ZNF174: variants seen among roughly 807,000 people sequenced by gnomAD.
ZNF174 encodes the protein zinc finger protein 174.
ZNF174 carries 30 observed loss-of-function variants against 38.7 expected under a neutral mutation model. The observed-to-expected ratio is 0.78, with a 90% CI of 0.58 to 1.05. The LOEUF (loss-of-function observed/expected upper bound fraction) is 1.05. Ranked by LOEUF, ZNF174 falls within the 50% of genes least tolerant of loss-of-function variation. ZNF174 has a pLI of 0.00. For missense variants in ZNF174, 499 were observed against 495.6 expected, an observed-to-expected ratio of 1.01 and a Z score of -0.06; for synonymous variants, 201 against 181.7, an observed-to-expected ratio of 1.11 and a Z score of -0.86.
At chr16:3,407,254 T>C (rs2034068543) in intron 2 of ZNF174, among the ~76,000 whole-genome samples, 2 of 152,136 alleles carry the variant, frequency 1.3e-5, no homozygotes, top group Non-Finnish European at 2.9e-5. Flanking sequence ...CATAACCTAA[T>C]CACCTCCCAG....
chr16:3,406,878 A>G (rs1019629275), intron 2 of ZNF174, among the ~76,000 whole-genome samples: 2 of 152,184 alleles, frequency 1.3e-5, no homozygotes, highest in African/African-American at 2.4e-5. Context: ...GGTTTCTTCA[A>G]GGAGACATAG....
intron 2 of ZNF174, 119 bp from the exon 3 acceptor site, chr16:3,408,202 C>G (rs2034080350): frequency 1.1e-6 from 1 of 948,472 alleles, no homozygotes; most frequent in African/African-American, 1.7e-5. Context: ...CCAGATGAGT[C>G]TAATGCAAGT....
intron 2 of ZNF174, among the ~76,000 whole-genome samples, chr16:3,406,740 G>A (rs1165706554): frequency 6.6e-6 from 1 of 152,224 alleles, no homozygotes; most frequent in African/African-American, 2.4e-5. Flanking sequence ...TTTCTTGACA[G>A]TGTCCTTTGA....
At chr16:3,405,117 C>G in intron 2 of ZNF174, 2 of 1,440,130 alleles carry the variant, frequency 1.4e-6, no homozygotes, top group Non-Finnish European at 1.8e-6. Context: ...TGGTGTGATA[C>G]TTGTGTAACT....
At chr16:3,405,540 G>T (rs1279236212) in intron 2 of ZNF174, among the ~76,000 whole-genome samples, 1 of 152,126 alleles carries the variant, frequency 6.6e-6, no homozygotes, top group Non-Finnish European at 1.5e-5. Flanking sequence ...TCCCATTCCA[G>T]TGAGGGCAGC....
chr16:3,401,561 G>T lies in ZNF174; in HGVS notation c.-444G>T, dbSNP rs2033900874. ...TTAGCTCTACCGTTTAGCACCCGGC[G>T]ACATGCACCCGGTCGGTTTCCGCCA... On this transcript the variant is annotated 5_prime_UTR_variant, in exon 1 of 3. Transcript: ENST00000268655. 1.1e-5 allele frequency: 2 copies of T among 174,600 alleles called. No homozygotes were observed. The highest frequency in any genetic ancestry group is 1.9e-4 in the East Asian group (1 of 5,380). The allele number at this position is 174,600 out of a possible 1,614,324, so 10.8% of individuals were successfully genotyped here.
At position 3,402,147 on chromosome 16, in the gene ZNF174, G is replaced by A. The variant is rs1363939110; in HGVS notation, c.143G>A (p.Ser48Asn). 6.2e-7 allele frequency: 1 copy of A among 1,614,194 alleles called. No individual in the cohort carries two copies. The highest frequency in any genetic ancestry group is 8.5e-7 in the Non-Finnish European group (1 of 1,180,032). ...NCPDPELCRQ[S>N]FRRFCYQEVS... ...CCAGATCCTGAGCTCTGCCGCCAGA[G>A]CTTCAGACGCTTTTGTTATCAAGAG... Residue 48 changes from serine (S) to asparagine (N), a missense_variant, in exon 1 of 3, where the codon AGC becomes AAC. By Grantham distance (46) the Ser-to-Asn change is conservative. Coordinates refer to ENST00000268655, the MANE Select transcript of ZNF174 (RefSeq NM_003450.3).
chr16:3,402,305 G>A lies in ZNF174; in HGVS notation c.301G>A (p.Glu101Lys). The A allele has an allele frequency of 1.2e-6, 2 of 1,614,110 alleles. No individual in the cohort carries two copies. Among genetic ancestry groups the A allele is most frequent in the Non-Finnish European group, 8.5e-7 (1 of 1,180,026 alleles). The change falls in exon 1 of 3, where the codon GAG (glutamate) becomes AAG (lysine). Residue 101 changes from glutamate (E) to lysine (K), a missense_variant. By Grantham distance (56) the Glu-to-Lys change is moderately conservative. Coordinates refer to ENST00000268655, the MANE Select transcript of ZNF174 (RefSeq NM_003450.3). ...MEQFLTILPP[E>K]IQARVRHRCP... ...GCAGTTCCTGACCATCCTGCCCCCGGAGATCCAGGCTCGGGTCAGGCATCG... is the reference window on the plus strand; with the variant it reads ...GCAGTTCCTGACCATCCTGCCCCCGAAGATCCAGGCTCGGGTCAGGCATCG...
Position 3,402,246 on chromosome 16 carries a change from C to G in ZNF174, c.242C>G (p.Thr81Ser). ...CAGTGGTTGCAACCCGAGCTGCACA[C>G]CAAGGAGCAGATTTTGGAGCTTCTG... ...CRQWLQPELH[T>S]KEQILELLVM... Residue 81 changes from threonine (T) to serine (S), a missense_variant, in exon 1 of 3, where the codon ACC becomes AGC. By Grantham distance (58) the Thr-to-Ser change is moderately conservative (BLOSUM62 1). Coordinates refer to ENST00000268655, the MANE Select transcript of ZNF174 (RefSeq NM_003450.3). 6.2e-7 allele frequency: 1 copy of G among 1,614,120 alleles called. No individual in the cohort carries two copies. Among genetic ancestry groups the G allele is most frequent in the Non-Finnish European group, 8.5e-7 (1 of 1,180,020 alleles).
At chr16:3,405,871 G>A (rs1020581627) in intron 2 of ZNF174, among the ~76,000 whole-genome samples, 1 of 152,186 alleles carries the variant, frequency 6.6e-6, no homozygotes, top group Non-Finnish European at 1.5e-5. Flanking sequence ...GCGGGGCATG[G>A]TGCTGCACAC....
At chr16:3,405,172 A>G in intron 2 of ZNF174, 1 of 1,220,694 alleles carries the variant, frequency 8.2e-7, no homozygotes, top group African/African-American at 1.5e-5. Context: ...AGCCTGAATG[A>G]CAGTGACATT....
intron 2 of ZNF174, chr16:3,405,192 C>A (rs1230895010): frequency 2.0e-6 from 2 of 1,004,640 alleles, no homozygotes; most frequent in African/African-American, 1.6e-5. Flanking sequence ...TTTGGCCAAG[C>A]CTGGTGATGT....
chr16:3,407,385 C>T (rs187660088), intron 2 of ZNF174, among the ~76,000 whole-genome samples: 8 of 152,250 alleles, frequency 5.3e-5, no homozygotes, highest in Admixed American at 3.9e-4. Flanking sequence ...TGTGGAAATC[C>T]AGTAGTCCTA....
chr16:3,406,530 C>T (rs1261461556), intron 2 of ZNF174, among the ~76,000 whole-genome samples: 1 of 152,214 alleles, frequency 6.6e-6, no homozygotes, highest in Non-Finnish European at 1.5e-5. Context: ...TCCCTAGTGA[C>T]TAATGGTGTT....
At chr16:3,405,191 G>A (rs2034037939) in intron 2 of ZNF174, 1 of 1,009,638 alleles carries the variant, frequency 9.9e-7, no homozygotes, top group African/African-American at 1.6e-5. Flanking sequence ...TTTTGGCCAA[G>A]CCTGGTGATG....
At position 3,408,559 on chromosome 16, in the gene ZNF174, C is replaced by G. The variant is rs1296893884; in HGVS notation, c.864C>G (p.Pro288=). 1.9e-6 allele frequency: 3 copies of G among 1,614,066 alleles called. No individual in the cohort carries two copies. The highest frequency in any genetic ancestry group is 1.6e-4 in the Middle Eastern group (1 of 6,062). ...RHCRVEYISS[P]LKSHPLRELK... ...GCAGGGTGGAATACATCAGCAGCCCCCTAAAAAGCCACCCACTGAGAGAGC... is the reference window on the plus strand; with the variant it reads ...GCAGGGTGGAATACATCAGCAGCCCGCTAAAAAGCCACCCACTGAGAGAGC... The change falls in exon 3 of 3, where the codon CCC becomes CCG. Residue 288 remains proline (P), a synonymous_variant. Transcript: ENST00000268655.
rs770158854 is a variant in ZNF174, at chr16:3,401,666, C to A, written c.-339C>A. On this transcript the variant is annotated 5_prime_UTR_variant, in exon 1 of 3. Coordinates refer to ENST00000268655, the MANE Select transcript of ZNF174 (RefSeq NM_003450.3). ...ATTCCGCTCCACCCGCCGGTTAGAGCGTATTGCTCATTAAATCCGAGACCT... is the reference window on the plus strand; with the variant it reads ...ATTCCGCTCCACCCGCCGGTTAGAGAGTATTGCTCATTAAATCCGAGACCT... The A allele has an allele frequency of 4.1e-6, 1 of 243,522 alleles. No individual in the cohort carries two copies. Among genetic ancestry groups the A allele is most frequent in the Admixed American group, 5.6e-5 (1 of 17,900 alleles). 15.1% of individuals were successfully genotyped at this position (243,522 alleles called of 1,614,324 possible).
chr16:3,403,972 C>T (rs772590647), intron 1 of ZNF174, among the ~76,000 whole-genome samples: 7 of 152,210 alleles, frequency 4.6e-5, no homozygotes, highest in Non-Finnish European at 7.3e-5. Context: ...CCTACTACTA[C>T]TGGGATCTCC....
intron 2 of ZNF174, among the ~76,000 whole-genome samples, chr16:3,405,643 C>T (rs951836401): frequency 6.6e-6 from 1 of 152,214 alleles, no homozygotes; most frequent in Non-Finnish European, 1.5e-5. Flanking sequence ...GGAACATAAA[C>T]ATTTAGCCCC....
Sources: gnomAD v4.1 joint callset for allele counts (sites outside exome capture counted in the v4.1 genomes callset) on GRCh38, gnomAD v4.1.1 for gene constraint, MANE v1.5 for transcripts, NCBI Gene and HGNC (gene_info 2026-07-23, HGNC 2026-07-21) for gene names.